Variants in TBC1D22A observed in about 807,000 individuals in gnomAD.
The protein encoded by TBC1D22A is putative GTPase activator.
In TBC1D22A, 38 loss-of-function variants were observed where a neutral mutation model predicts 60.2. The observed-to-expected ratio is 0.63, with a 90% CI of 0.49 to 0.83. The LOEUF (loss-of-function observed/expected upper bound fraction) is 0.83, where lower values mean the gene tolerates loss of function less well. TBC1D22A is among the 40% of genes least tolerant of loss of function. TBC1D22A has a pLI of 0.00. For synonymous variants in TBC1D22A, 302 were observed against 281.7 expected (o/e 1.07, Z -0.72); for missense variants, 628 against 701.0 (o/e 0.90, Z 1.18).
intron 4 of TBC1D22A, among the ~76,000 whole-genome samples, chr22:46,829,842 G>A (rs1303281424): frequency 6.6e-6 from 1 of 152,122 alleles, no homozygotes; most frequent in Non-Finnish European, 1.5e-5. Context: ...TCAGTGCCGC[G>A]TGAAACAATT....
chr22:46,773,524 G>C (rs944081167), intron 1 of TBC1D22A, among the ~76,000 whole-genome samples: 1 of 152,104 alleles, frequency 6.6e-6, no homozygotes, highest in Non-Finnish European at 1.5e-5. Context: ...GAATACAATG[G>C]TGCCATCTCA....
chr22:46,932,660 C>T (rs914808886), intron 8 of TBC1D22A, among the ~76,000 whole-genome samples: 5 of 150,770 alleles, frequency 3.3e-5, no homozygotes, highest in South Asian at 2.1e-4. Flanking sequence ...GACTCCTTCT[C>T]ACTGGCAGTG....
chr22:47,004,158 A>G (rs2061499271), intron 10 of TBC1D22A, among the ~76,000 whole-genome samples: 3 of 147,140 alleles, frequency 2.0e-5, no homozygotes, highest in Admixed American at 2.0e-4. Context: ...ACACACTCCT[A>G]TACACACACC....
At chr22:46,985,020 G>T (rs1219145499) in intron 9 of TBC1D22A, among the ~76,000 whole-genome samples, 1 of 152,210 alleles carries the variant, frequency 6.6e-6, no homozygotes, top group Admixed American at 6.5e-5. Context: ...GCAGTTGAGG[G>T]GGGAGCCTCC....
In TBC1D22A at chr22:47,001,375, C is replaced by T. The variant is rs368285703; in HGVS notation, c.1201+3666C>T. 7.3e-5 allele frequency among the ~76,000 whole-genome samples: 10 copies of T among 136,722 alleles called. No individual in the cohort carries two copies. The East Asian group carries it at 1.5e-3, about 20-fold the overall frequency. 89.7% of individuals were successfully genotyped at this position (136,722 alleles called of 152,430 possible). A position where few individuals can be genotyped will look rare whatever the true frequency, so the allele number is the denominator to read the frequency against. ...GACCCACACACATGAACCCGGGAGG[C>T]GGAGGTTGCAGTGAGCCGAGATCGC... On this transcript the variant is annotated intron_variant, in intron 10 of 12. Transcript: ENST00000337137.
intron 10 of TBC1D22A, among the ~76,000 whole-genome samples, chr22:47,005,764 C>T (rs1015697055): frequency 6.6e-6 from 1 of 151,002 alleles, no homozygotes; most frequent in African/African-American, 2.4e-5. Context: ...ACACACACAC[C>T]TACACACATA....
chr22:47,049,414 G>C (rs1047561481), intron 11 of TBC1D22A, among the ~76,000 whole-genome samples: 3 of 152,360 alleles, frequency 2.0e-5, no homozygotes, highest in African/African-American at 7.2e-5. Flanking sequence ...GCTGCTCTGA[G>C]TAAACCTGCA....
At chr22:47,165,742 G>A (rs911121393) in intron 12 of TBC1D22A, among the ~76,000 whole-genome samples, 1 of 152,122 alleles carries the variant, frequency 6.6e-6, no homozygotes, top group Non-Finnish European at 1.5e-5. Context: ...GCTGGGAAAT[G>A]TCATGCTGCT....
intron 8 of TBC1D22A, among the ~76,000 whole-genome samples, chr22:46,956,062 A>G (rs1406724846): frequency 6.6e-6 from 1 of 152,192 alleles, no homozygotes; most frequent in Non-Finnish European, 1.5e-5. Context: ...ATAAATAAAA[A>G]CAATAGGACA....
chr22:46,978,896 A>G (rs2074407036), intron 9 of TBC1D22A, among the ~76,000 whole-genome samples: 1 of 152,214 alleles, frequency 6.6e-6, no homozygotes, highest in Non-Finnish European at 1.5e-5. Context: ...GGTATGAGCC[A>G]CCGCGCCCGG....
At chr22:46,950,700 C>A (rs561548574) in intron 8 of TBC1D22A, among the ~76,000 whole-genome samples, 1 of 152,120 alleles carries the variant, frequency 6.6e-6, no homozygotes, top group Non-Finnish European at 1.5e-5. Flanking sequence ...GAGGTATTCA[C>A]GGTAGATGTG....
intron 4 of TBC1D22A, among the ~76,000 whole-genome samples, chr22:46,831,231 G>T (rs1367156141): frequency 1.3e-5 from 2 of 152,166 alleles, no homozygotes; most frequent in East Asian, 3.9e-4. Flanking sequence ...ATGCTGACGT[G>T]GAGGACCTCC....
chr22:47,080,229 A>T (rs1427737454), intron 11 of TBC1D22A, among the ~76,000 whole-genome samples: 1 of 152,232 alleles, frequency 6.6e-6, no homozygotes, highest in Admixed American at 6.5e-5. Context: ...AAAAATCAGT[A>T]AAAGTATATT....
chr22:46,981,941 A>G (rs190734001), intron 9 of TBC1D22A, among the ~76,000 whole-genome samples: 63 of 152,326 alleles, frequency 4.1e-4, no homozygotes, highest in Non-Finnish European at 6.8e-4. Context: ...GAAGATCTGT[A>G]AGAATGGCAA....
At chr22:46,959,504 G>A (rs2073383313) in intron 8 of TBC1D22A, among the ~76,000 whole-genome samples, 1 of 152,210 alleles carries the variant, frequency 6.6e-6, no homozygotes, top group Non-Finnish European at 1.5e-5. Flanking sequence ...TGTGGTCCCT[G>A]GTTTGAGAGG....
intron 10 of TBC1D22A, among the ~76,000 whole-genome samples, chr22:47,007,464 G>A (rs766116082): frequency 6.6e-6 from 1 of 152,226 alleles, no homozygotes; most frequent in Non-Finnish European, 1.5e-5. Context: ...AGGCTTTCCT[G>A]CCCCAGAGAT....
chr22:46,854,280 TG>T (rs1315301432), intron 4 of TBC1D22A, among the ~76,000 whole-genome samples: 2 of 152,110 alleles, frequency 1.3e-5, no homozygotes, highest in Non-Finnish European at 2.9e-5. Flanking sequence ...ATTTGTAAAA[TG>T]GGGATGGGAA....
At chr22:47,053,127 C>T (rs1013816304) in intron 11 of TBC1D22A, among the ~76,000 whole-genome samples, 6 of 152,068 alleles carry the variant, frequency 3.9e-5, no homozygotes, top group East Asian at 1.9e-4. Context: ...TGCTTCCTGC[C>T]CACCACCAGC....
intron 12 of TBC1D22A, among the ~76,000 whole-genome samples, chr22:47,125,355 A>C (rs1364350836): frequency 6.6e-6 from 1 of 152,130 alleles, no homozygotes; most frequent in Middle Eastern, 3.2e-3. Context: ...TGCCCTGGAG[A>C]CCTGGGGGAG....
Sources: gnomAD v4.1 joint callset for allele counts (sites outside exome capture counted in the v4.1 genomes callset) on GRCh38, gnomAD v4.1.1 for gene constraint, MANE v1.5 for transcripts, NCBI Gene and HGNC (gene_info 2026-07-23, HGNC 2026-07-21) for gene names.